Variants in KLHL12 observed in about 807,000 individuals in gnomAD.
The protein encoded by KLHL12 is kelch-like protein 12.
KLHL12 carries 17 observed loss-of-function variants against 60.8 expected under a neutral mutation model. The ratio of observed to expected loss-of-function variants is 0.28; its 90% CI spans 0.19 to 0.42. The LOEUF is 0.42. Ranked by LOEUF, KLHL12 falls within the 10% of genes least tolerant of loss-of-function variation. The probability of loss-of-function intolerance (pLI) is 1.00; values close to 1 mark genes in which losing one functional copy is unlikely to be tolerated. For synonymous variants in KLHL12, 220 were observed against 250.9 expected, an observed-to-expected ratio of 0.88 and a Z score of 1.16; for missense variants, 468 against 722.3, an observed-to-expected ratio of 0.65 and a Z score of 4.04.
chr1:202,922,270 T>C (rs960413252), intron 2 of KLHL12, among the ~76,000 whole-genome samples: 2 of 118,036 alleles, frequency 1.7e-5, no homozygotes, highest in African/African-American at 5.7e-5. Context: ...ATTATTACTA[T>C]CTAAGAGATA....
At chr1:202,897,484 A>G (rs1352690282) in intron 6 of KLHL12, among the ~76,000 whole-genome samples, 2 of 152,014 alleles carry the variant, frequency 1.3e-5, no homozygotes, top group African/African-American at 4.8e-5. Flanking sequence ...TCGACCTCCC[A>G]AAGTGCTGGG....
intron 1 of KLHL12, among the ~76,000 whole-genome samples, chr1:202,926,012 C>T (rs9943282): frequency 0.54 from 80,978 of 150,546 alleles, 22,673 homozygotes; most frequent in Non-Finnish European, 0.62. Context: ...GGCTGAGGCC[C>T]GAGAATCACT....
intron 6 of KLHL12, among the ~76,000 whole-genome samples, chr1:202,897,241 T>TA (rs1659868046): frequency 6.8e-6 from 1 of 146,678 alleles, no homozygotes; most frequent in African/African-American, 2.5e-5. Context: ...TTTTTTTTTT[T>TA]TTTTTTTTTT....
In KLHL12 at chr1:202,911,154, T is replaced by G. The variant is rs201463752; in HGVS notation, c.617A>C (p.His206Pro). The stretch of plus-strand genomic sequence containing the variant: ...GGATTCTTCCCGCTCTTTCTTGGCA[T>G]GCTTCACCCAGTTGATGACAGCCTC... ...VFEAVINWVK[H>P]AKKEREESLP... Residue 206 changes from histidine (H) to proline (P), a missense_variant, in exon 5 of 12, where the codon CAT becomes CCT. Coordinates refer to ENST00000367261, the MANE Select transcript of KLHL12 (RefSeq NM_021633.4). The G allele has an allele frequency of 1.2e-6, 2 of 1,614,060 alleles. 1 individual carries two copies. Among genetic ancestry groups the G allele is most frequent in the Non-Finnish European group, 1.7e-6 (2 of 1,180,040 alleles).
rs1419273771 is a variant in KLHL12 at position 202,892,640 on chromosome 1, G to A, written c.1600C>T (p.Leu534=). The A allele has an allele frequency of 1.9e-6, 3 of 1,613,848 alleles. No individual in the cohort carries two copies. Among genetic ancestry groups the A allele is most frequent in the Non-Finnish European group, 2.5e-6 (3 of 1,179,950 alleles). ...GGGTCATAACATTCAATGCTACTTA[G>A]CAGGGAATTACCATCATATCTGAGT... ...AIAGYDGNSL[L]SSIECYDPII... The change falls in exon 12 of 12, where the codon CTA becomes TTA. Residue 534 remains leucine, a synonymous_variant. Coordinates refer to ENST00000367261, the MANE Select transcript of KLHL12 (RefSeq NM_021633.4).
In KLHL12 at chr1:202,891,157, T is replaced by G. The variant is rs1659664432; in HGVS notation, c.*1376A>C. 1 of 152,326 alleles carries G rather than the reference T, an allele frequency of 6.6e-6. No homozygotes were observed. Among genetic ancestry groups the G allele is most frequent in the Admixed American group, 6.6e-5 (1 of 15,258 alleles). 9.4% of individuals were successfully genotyped at this position (152,326 alleles called of 1,614,324 possible). ...GATTTTTAATATTTTCTTAAAAAAA[T>G]ACAAAGGAAATTAACTCTGTAGGTC... On this transcript the variant is annotated 3_prime_UTR_variant, in exon 12 of 12. Coordinates refer to ENST00000367261, the MANE Select transcript of KLHL12 (RefSeq NM_021633.4).
intron 4 of KLHL12, chr1:202,912,701 C>T: frequency 7.3e-7 from 1 of 1,361,966 alleles, no homozygotes; most frequent in Non-Finnish European, 1.0e-6. Flanking sequence ...TCAGTAGCAG[C>T]AGTAGCTATG....
intron 8 of KLHL12, 138 bp from the exon 9 acceptor site, chr1:202,894,887 GT>G: frequency 1.5e-6 from 1 of 687,318 alleles, no homozygotes. Context: ...AGTCAATTAA[GT>G]TTTATAGACA....
At chr1:202,914,378 G>T (rs1331666326) in intron 4 of KLHL12, among the ~76,000 whole-genome samples, 1 of 152,140 alleles carries the variant, frequency 6.6e-6, no homozygotes, top group Non-Finnish European at 1.5e-5. Flanking sequence ...AACTAACCCA[G>T]GCAATTGTTG....
chr1:202,896,094 T>C (rs533936518), intron 7 of KLHL12, among the ~76,000 whole-genome samples: 85 of 152,322 alleles, frequency 5.6e-4, no homozygotes, highest in African/African-American at 1.9e-3. Context: ...GGATTTATTA[T>C]AAGAACCTTA....
In KLHL12 at chr1:202,894,752, G is replaced by A; in HGVS notation, c.1136-3C>T. 1 of 1,611,566 alleles carries A rather than the reference G, an allele frequency of 6.2e-7. No homozygotes were observed. The highest frequency in any genetic ancestry group is 8.5e-7 in the Non-Finnish European group (1 of 1,177,714). On this transcript the variant is annotated splice_region_variant and splice_polypyrimidine_tract_variant and intron_variant, in intron 8 of 11. Coordinates refer to ENST00000367261, the MANE Select transcript of KLHL12 (RefSeq NM_021633.4). ...GCCTCCAGAGACATAGATCATATCT[G>A]CTCAGAATAAACAAATTACAGACTA...
In KLHL12 at chr1:202,894,131, T is replaced by C. The variant is rs534241242; in HGVS notation, c.1393+53A>G. 3.0e-6 allele frequency: 3 copies of C among 1,000,656 alleles called. No individual in the cohort carries two copies. In the South Asian group the frequency reaches 4.2e-5, roughly 14 times the overall value. 62.0% of individuals were successfully genotyped at this position (1,000,656 alleles called of 1,614,324 possible). A position where few individuals can be genotyped will look rare whatever the true frequency, so the allele number is the denominator to read the frequency against. On this transcript the variant is annotated intron_variant, in intron 10 of 11. Transcript: ENST00000367261. ...TTGTCCCATGCACCACCATTATATA[T>C]GTAAAGGTCTGACAGCATCGCCTAT...
chr1:202,916,871 G>A (rs183166166), intron 4 of KLHL12, among the ~76,000 whole-genome samples: 2 of 151,980 alleles, frequency 1.3e-5, no homozygotes, highest in East Asian at 3.9e-4. Flanking sequence ...CTACACAGGA[G>A]GATGAGGTGG....
upstream of KLHL12, among the ~76,000 whole-genome samples, chr1:202,927,674 TAAAAAAAAA>T (rs748842460): frequency 1.3e-5 from 1 of 75,432 alleles, no homozygotes. Context: ...TGAGACCCTG[TAAAAAAAAA>T]AAAAAAAAAA....
chr1:202,925,176 G>C lies in KLHL12; in HGVS notation c.-14C>G, dbSNP rs780477366. ...AATGCCTCCCATAAAGCAGTGCGGA[G>C]AAAGAACAAAATGGGTCCTTGGATT... On this transcript the variant is annotated 5_prime_UTR_variant, in exon 2 of 12. Transcript: ENST00000367261. 20 of 1,613,004 alleles carry C rather than the reference G, an allele frequency of 1.2e-5. No individual in the cohort carries two copies. Among genetic ancestry groups the C allele is most frequent in the Non-Finnish European group, 3.4e-6 (4 of 1,179,632 alleles).
At position 202,927,215 on chromosome 1, in the gene KLHL12, C is replaced by CTCTGGAGCCGTCCGGG; in HGVS notation, c.-188_-173dup. 2 of 985,274 alleles carry CTCTGGAGCCGTCCGGG rather than the reference C, an allele frequency of 2.0e-6. No individual in the cohort carries two copies. Among genetic ancestry groups the CTCTGGAGCCGTCCGGG allele is most frequent in the Non-Finnish European group, 2.4e-6 (2 of 829,902 alleles). The allele number at this position is 985,274 out of a possible 1,614,324, so 61.0% of individuals were successfully genotyped here. ...CGCCCAGACCCGGAGGCTCTGGAGG[C>CTCTGGAGCCGTCCGGG]TCTGGAGCCGTCCGGGTCTGGCCCC... is the stretch of plus-strand genomic sequence containing the variant. On this transcript the variant is annotated 5_prime_UTR_variant, in exon 1 of 12. Transcript: ENST00000367261.
chr1:202,925,835 A>G (rs1653520352), intron 1 of KLHL12, among the ~76,000 whole-genome samples: 1 of 152,138 alleles, frequency 6.6e-6, no homozygotes, highest in African/African-American at 2.4e-5. Flanking sequence ...GCCGGGCCCA[A>G]CAGCTCACTC....
intron 6 of KLHL12, among the ~76,000 whole-genome samples, chr1:202,901,598 G>A (rs1330502081): frequency 6.6e-6 from 1 of 152,040 alleles, no homozygotes; most frequent in Non-Finnish European, 1.5e-5. Flanking sequence ...CACTGTACCA[G>A]CCACTCAGGG....
At chr1:202,910,643 G>A (rs1051548823) in intron 5 of KLHL12, among the ~76,000 whole-genome samples, 4 of 152,196 alleles carry the variant, frequency 2.6e-5, no homozygotes, top group Non-Finnish European at 5.9e-5. Flanking sequence ...TATGATTAAA[G>A]TTGACACTAA....
Sources: allele counts gnomAD v4.1 joint callset (sites outside exome capture counted in the v4.1 genomes callset), GRCh38; gene constraint gnomAD v4.1.1; transcripts MANE v1.5; gene names NCBI Gene and HGNC (gene_info 2026-07-23, HGNC 2026-07-21).